Variants in SHLD1 observed in about 807,000 individuals in gnomAD.
The protein encoded by SHLD1 is shieldin complex subunit 1.
SHLD1 carries 3 observed loss-of-function variants against 5.5 expected under a neutral mutation model. The observed-to-expected ratio is 0.54, with a 90% confidence interval of 0.25 to 1.40. The LOEUF (loss-of-function observed/expected upper bound fraction) is 1.40, where lower values mean the gene tolerates loss of function less well. SHLD1 is among the 40% of genes most tolerant of loss of function. The probability of loss-of-function intolerance (pLI) is 0.15; values close to 1 mark genes in which losing one functional copy is unlikely to be tolerated. For missense variants in SHLD1, 210 were observed against 244.4 expected (o/e 0.86, Z 0.94); for synonymous variants, 92 against 94.3 (o/e 0.98, Z 0.14).
rs2088069038 is a variant in SHLD1, at chr20:5,855,373, T to C, written c.179-7651T>C. On this transcript the variant is annotated intron_variant, in intron 2 of 2. Transcript: ENST00000303142. The surrounding 1 kb of genome is among the most constrained non-coding windows in gnomAD (Gnocchi z 4.4). ...GTGCACATACTAACACATTTTGTTT[T>C]ATTTTGTTTTATTTTTGAGACAGAG... Among the ~76,000 whole-genome samples the C allele has an allele frequency of 6.6e-6, 1 of 152,160 alleles. No homozygotes were observed. Among genetic ancestry groups the C allele is most frequent in the Admixed American group, 6.5e-5 (1 of 15,274 alleles).
chr20:5,770,352 A>G lies in SHLD1; in HGVS notation c.-4-2510A>G, dbSNP rs1003978927. 1.6e-4 allele frequency among the ~76,000 whole-genome samples: 25 copies of G among 152,324 alleles called. 1 individual carries two copies. Among genetic ancestry groups the G allele is most frequent in the Middle Eastern group, 3.4e-3 (1 of 294 alleles). On this transcript the variant is annotated intron_variant, in intron 1 of 2. Coordinates refer to ENST00000303142, the MANE Select transcript of SHLD1 (RefSeq NM_152504.4). ...CTTTAATGTCAGTGCAGTTTGAAAC[A>G]CTTCAGCAAATTTTAGTAATGTCCA...
At chr20:5,848,437 T>A (rs1462168438) in intron 2 of SHLD1, among the ~76,000 whole-genome samples, 2 of 152,160 alleles carry the variant, frequency 1.3e-5, no homozygotes, top group Non-Finnish European at 2.9e-5. Context: ...AAGAATCACT[T>A]GAACCCGGGA....
At chr20:5,857,101 G>C (rs573478026) in intron 2 of SHLD1, among the ~76,000 whole-genome samples, 1 of 151,874 alleles carries the variant, frequency 6.6e-6, no homozygotes, top group African/African-American at 2.4e-5. Context: ...CTTGCCTCCC[G>C]AGTAGCTGGG....
At chr20:5,846,140 T>C (rs1302166752) in intron 2 of SHLD1, among the ~76,000 whole-genome samples, 2 of 152,186 alleles carry the variant, frequency 1.3e-5, no homozygotes, top group Admixed American at 1.3e-4. Flanking sequence ...TGAAACTGGC[T>C]CTGTTTTGAT....
intron 2 of SHLD1, among the ~76,000 whole-genome samples, chr20:5,845,733 C>A (rs1303294130): frequency 6.6e-6 from 1 of 152,150 alleles, no homozygotes; most frequent in Non-Finnish European, 1.5e-5. Flanking sequence ...CTCCTCATGC[C>A]TCTTAACAGT....
chr20:5,850,121 T>TAATAAA (rs1158668925), intron 2 of SHLD1, among the ~76,000 whole-genome samples: 1 of 127,694 alleles, frequency 7.8e-6, no homozygotes, highest in Non-Finnish European at 1.7e-5. Flanking sequence ...TCAATAATAA[T>TAATAAA]AATAATAATA....
At chr20:5,837,485 G>C (rs2087804498) in intron 2 of SHLD1, among the ~76,000 whole-genome samples, 1 of 151,414 alleles carries the variant, frequency 6.6e-6, no homozygotes, top group Admixed American at 6.6e-5. Context: ...CCTCCAACAG[G>C]CCCCGCTGTG....
At chr20:5,769,469 G>T (rs1171622139) in intron 1 of SHLD1, among the ~76,000 whole-genome samples, 1 of 152,222 alleles carries the variant, frequency 6.6e-6, no homozygotes, top group Non-Finnish European at 1.5e-5. Context: ...CCCCCCAGGG[G>T]ATACCCGAAA....
At chr20:5,752,685 C>T (rs1241483085) in intron 1 of SHLD1, among the ~76,000 whole-genome samples, 5 of 146,098 alleles carry the variant, frequency 3.4e-5, no homozygotes, top group East Asian at 2.0e-4. Context: ...AGTGCGATCT[C>T]GGCTCACTGC....
rs190798169 is a variant in SHLD1 at position 5,823,746 on chromosome 20, C to A, written c.179-39278C>A. 3.9e-5 allele frequency among the ~76,000 whole-genome samples: 6 copies of A among 152,232 alleles called. No individual in the cohort carries two copies. In the East Asian group the frequency reaches 1.2e-3, roughly 29 times the overall value. Reference sequence around the variant, plus strand: ...TACAGGCATGAGTCACCGCGCCCAGCCAAAAATCTCATAATGTTCTAAGAA... The same window carrying A: ...TACAGGCATGAGTCACCGCGCCCAGACAAAAATCTCATAATGTTCTAAGAA... On this transcript the variant is annotated intron_variant, in intron 2 of 2. Transcript: ENST00000303142.
intron 2 of SHLD1, among the ~76,000 whole-genome samples, chr20:5,776,738 C>T (rs971297384): frequency 1.1e-4 from 17 of 151,734 alleles, no homozygotes; most frequent in African/African-American, 2.4e-4. Flanking sequence ...ACTCCAGCCC[C>T]GGCAACAGAG....
rs2088070654 is a variant in SHLD1, at chr20:5,855,478, T to G, written c.179-7546T>G. ...CCTCCACCTCCCGCGTTCAAGAGAT[T>G]CTTGTGCCTCAGCCACCCGAGTAGC... On this transcript the variant is annotated intron_variant, in intron 2 of 2. Transcript: ENST00000303142. This position sits in a 1 kb window ranked among gnomAD's most constrained non-coding sequence, Gnocchi z 4.4. Among the ~76,000 whole-genome samples the G allele has an allele frequency of 2.0e-5, 3 of 152,124 alleles. No homozygotes were observed. In the South Asian group the frequency reaches 6.2e-4, roughly 32 times the overall value.
chr20:5,777,469 C>T (rs1231586986), intron 2 of SHLD1, among the ~76,000 whole-genome samples: 1 of 151,936 alleles, frequency 6.6e-6, no homozygotes, highest in African/African-American at 2.4e-5. Context: ...GAGGTATGAT[C>T]CTGCTTTGTT....
intron 2 of SHLD1, among the ~76,000 whole-genome samples, chr20:5,778,199 C>T (rs1985524859): frequency 1.4e-5 from 2 of 147,010 alleles, no homozygotes; most frequent in South Asian, 2.1e-4. Flanking sequence ...TCACTGCAAG[C>T]TCCGCCTCCT....
intron 2 of SHLD1, among the ~76,000 whole-genome samples, chr20:5,796,155 T>TA (rs1227642364): frequency 6.6e-6 from 1 of 152,162 alleles, no homozygotes; most frequent in Admixed American, 6.6e-5. Context: ...AGAATGTTGT[T>TA]ATACATTTAC....
chr20:5,774,683 T>C (rs1985346235), intron 2 of SHLD1, among the ~76,000 whole-genome samples: 1 of 152,058 alleles, frequency 6.6e-6, no homozygotes, highest in Admixed American at 6.6e-5. Flanking sequence ...CAACCAGATC[T>C]CATGGGAACT....
At chr20:5,753,560 G>A (rs1382944054) in intron 1 of SHLD1, among the ~76,000 whole-genome samples, 1 of 152,222 alleles carries the variant, frequency 6.6e-6, no homozygotes, top group Admixed American at 6.5e-5. Flanking sequence ...CAAGCTGGAA[G>A]CTTGCATAGG....
chr20:5,854,221 G>T (rs1429108632), intron 2 of SHLD1, among the ~76,000 whole-genome samples: 1 of 152,130 alleles, frequency 6.6e-6, no homozygotes, highest in Non-Finnish European at 1.5e-5. Flanking sequence ...GGTCAGGCTT[G>T]TGTCAAACTC....
At chr20:5,764,595 A>T (rs1806275594) in intron 1 of SHLD1, among the ~76,000 whole-genome samples, 1 of 151,714 alleles carries the variant, frequency 6.6e-6, no homozygotes, top group African/African-American at 2.4e-5. Context: ...ACTACTCAGG[A>T]AGCCAACACA....
Sources: allele counts gnomAD v4.1 joint callset (sites outside exome capture counted in the v4.1 genomes callset), GRCh38; gene constraint gnomAD v4.1.1; non-coding constraint Gnocchi (gnomAD v3.1); transcripts MANE v1.5; gene names NCBI Gene and HGNC (gene_info 2026-07-23, HGNC 2026-07-21).